Variants in EPS15 observed in about 807,000 individuals in gnomAD.
EPS15 encodes epidermal growth factor receptor pathway substrate 15.
EPS15 carries 72 observed loss-of-function variants against 113.8 expected under a neutral mutation model. That is an observed-to-expected ratio of 0.63 (90% confidence interval 0.52 to 0.77). The LOEUF (loss-of-function observed/expected upper bound fraction) is 0.77, where lower values mean the gene tolerates loss of function less well. EPS15 is among the 30% of genes least tolerant of loss of function. The pLI is 0.00. For synonymous variants in EPS15, 344 were observed against 363.4 expected, an observed-to-expected ratio of 0.95 and a Z score of 0.61; for missense variants, 1,048 against 1,045.8, an observed-to-expected ratio of 1.00 and a Z score of -0.03.
intron 2 of EPS15, among the ~76,000 whole-genome samples, chr1:51,475,873 G>A (rs192611253): frequency 2.6e-5 from 4 of 152,210 alleles, no homozygotes; most frequent in South Asian, 2.1e-4. Context: ...TGTAAGGAAC[G>A]GATCCAGTTT....
At chr1:51,462,625 T>C (rs1654548323) in intron 7 of EPS15, among the ~76,000 whole-genome samples, 2 of 151,262 alleles carry the variant, frequency 1.3e-5, no homozygotes, top group Non-Finnish European at 3.0e-5. Context: ...GATAGAAAAA[T>C]AACATGGCAA....
intron 4 of EPS15, among the ~76,000 whole-genome samples, chr1:51,470,081 C>T (rs542498301): frequency 2.0e-5 from 3 of 152,248 alleles, no homozygotes; most frequent in Admixed American, 2.0e-4. Flanking sequence ...ATTTGAGATT[C>T]AATTACTCTT....
intron 13 of EPS15, among the ~76,000 whole-genome samples, chr1:51,421,346 A>G (rs1650733217): frequency 6.6e-6 from 1 of 152,134 alleles, no homozygotes; most frequent in African/African-American, 2.4e-5. Flanking sequence ...TATGAGAAAC[A>G]GTCCTTTAAC....
intron 21 of EPS15, among the ~76,000 whole-genome samples, chr1:51,391,941 T>C (rs557529993): frequency 2.8e-4 from 42 of 152,192 alleles, no homozygotes; most frequent in African/African-American, 9.6e-4. Flanking sequence ...GCCAAATAAA[T>C]AGCTGGAAAA....
At position 51,481,296 on chromosome 1, in the gene EPS15, C is replaced by G; in HGVS notation, c.52G>C (p.Val18Leu). Residue 18 changes from valine to leucine, a missense_variant, in exon 2 of 25, where the codon GTA becomes CTA. Physicochemically the swap from Val to Leu is conservative, Grantham distance 32. Coordinates refer to ENST00000371733, the MANE Select transcript of EPS15 (RefSeq NM_001981.3). ...ACCTGTCTATAGTATTTTTCATATACAGGATTCCCACTTGATAACTGAAAT... is the reference window on the plus strand; with the variant it reads ...ACCTGTCTATAGTATTTTTCATATAGAGGATTCCCACTTGATAACTGAAAT... The part of the protein sequence containing the change: ...SLTQLSSGNP[V>L]YEKYYRQVDT... The G allele has an allele frequency of 7.3e-7, 1 of 1,362,642 alleles. No individual in the cohort carries two copies. The highest frequency in any genetic ancestry group is 1.0e-6 in the Non-Finnish European group (1 of 955,292). 84.4% of individuals were successfully genotyped at this position (1,362,642 alleles called of 1,614,324 possible).
At chr1:51,412,166 A>G (rs1649783448) in intron 13 of EPS15, among the ~76,000 whole-genome samples, 1 of 152,190 alleles carries the variant, frequency 6.6e-6, no homozygotes, top group Non-Finnish European at 1.5e-5. Flanking sequence ...ATGAGAACGC[A>G]TGGACACAAG....
intron 13 of EPS15, among the ~76,000 whole-genome samples, chr1:51,417,488 C>T (rs1650352490): frequency 6.6e-6 from 1 of 152,126 alleles, no homozygotes; most frequent in African/African-American, 2.4e-5. Context: ...AAAATATGAT[C>T]CAAGGCACAA....
intron 1 of EPS15, among the ~76,000 whole-genome samples, chr1:51,500,375 C>A (rs2148549670): frequency 6.6e-6 from 1 of 152,276 alleles, no homozygotes; most frequent in Non-Finnish European, 1.5e-5. Context: ...TGAGGAACTG[C>A]CATACTGTTT....
chr1:51,463,472 C>A, intron 7 of EPS15: 1 of 421,662 alleles, frequency 2.4e-6, no homozygotes, highest in South Asian at 4.7e-5. Context: ...TTCAACCACT[C>A]ATTTTTACAG....
At chr1:51,478,406 T>C (rs1291318252) in intron 2 of EPS15, among the ~76,000 whole-genome samples, 2 of 152,218 alleles carry the variant, frequency 1.3e-5, no homozygotes, top group Non-Finnish European at 2.9e-5. Context: ...TGCCTCTTTA[T>C]CCAGTTTGCC....
intron 12 of EPS15, among the ~76,000 whole-genome samples, chr1:51,425,338 T>C (rs1429490767): frequency 6.6e-6 from 1 of 152,186 alleles, no homozygotes; most frequent in Admixed American, 6.5e-5. Context: ...CCACTTCCAT[T>C]TTCCTAGACT....
chr1:51,448,180 A>G (rs751475970), intron 8 of EPS15, 45 bp from the exon 9 acceptor site: 2 of 1,096,548 alleles, frequency 1.8e-6, no homozygotes, highest in Non-Finnish European at 2.7e-6. Flanking sequence ...AAAGCACTTA[A>G]CATCCACCCA....
In EPS15 at chr1:51,471,725, C is replaced by G; in HGVS notation, c.178G>C (p.Ala60Pro). Residue 60 changes from alanine to proline, a missense_variant, in exon 4 of 25, where the codon GCC (alanine) becomes CCC (proline). By Grantham distance (27) the Ala-to-Pro change is conservative. Transcript: ENST00000371733. ...AGGATACCTTTGCCATCTGTGTCGG[C>G]TAAATCCCAAATCTGAAATTTAGGG... ...DLILGKIWDLADTDGKGILNK... is the reference protein window; with the variant it reads ...DLILGKIWDLPDTDGKGILNK... 6.2e-7 allele frequency: 1 copy of G among 1,609,390 alleles called. No homozygotes were observed. Among genetic ancestry groups the G allele is most frequent in the Non-Finnish European group, 8.5e-7 (1 of 1,176,578 alleles).
At chr1:51,431,596 C>T (rs1230289303) in intron 12 of EPS15, among the ~76,000 whole-genome samples, 1 of 151,912 alleles carries the variant, frequency 6.6e-6, no homozygotes, top group Non-Finnish European at 1.5e-5. Context: ...CAGGTGTGCA[C>T]CACCACGCCC....
In EPS15 at chr1:51,456,856, A is replaced by C. The variant is rs188787270; in HGVS notation, c.561+4235T>G. Among the ~76,000 whole-genome samples, 387 of 152,348 alleles carry C rather than the reference A, an allele frequency of 2.5e-3. 2 individuals carry two copies. Among genetic ancestry groups the C allele is most frequent in the African/African-American group, 8.8e-3 (364 of 41,574 alleles). ...GGATAAAGAAAGATTTATCAGACAAATTCTAACCAAAAGAATACTAGTTAT... is the reference window on the plus strand; with the variant it reads ...GGATAAAGAAAGATTTATCAGACAACTTCTAACCAAAAGAATACTAGTTAT... On this transcript the variant is annotated intron_variant, in intron 8 of 24. Coordinates refer to ENST00000371733, the MANE Select transcript of EPS15 (RefSeq NM_001981.3).
At chr1:51,371,098 T>C (rs1646638503) in intron 21 of EPS15, among the ~76,000 whole-genome samples, 1 of 151,830 alleles carries the variant, frequency 6.6e-6, no homozygotes, top group Non-Finnish European at 1.5e-5. Flanking sequence ...TTGTATTTTT[T>C]AGTAGAGATT....
chr1:51,471,586 T>G, intron 4 of EPS15, 104 bp downstream of exon 4: 7 of 885,472 alleles, frequency 7.9e-6, no homozygotes, highest in Non-Finnish European at 1.3e-5. Context: ...AACTCTAATG[T>G]TGGTAAAAAC....
intron 2 of EPS15, among the ~76,000 whole-genome samples, chr1:51,475,676 T>C (rs778681941): frequency 6.6e-5 from 10 of 152,204 alleles, no homozygotes; most frequent in East Asian, 1.9e-4. Flanking sequence ...GGAAGCTCTC[T>C]AGTTTAATTA....
chr1:51,426,467 TG>T lies in EPS15; in HGVS notation c.1041-4610del, dbSNP rs370472056. 1.0e-3 allele frequency among the ~76,000 whole-genome samples: 150 copies of T among 149,946 alleles called. 1 individual carries two copies. The highest frequency in any genetic ancestry group is 3.6e-3 in the African/African-American group (148 of 40,650). On this transcript the variant is annotated intron_variant, in intron 12 of 24. Transcript: ENST00000371733. ...GCAAGCCCTGGCTCCTGTCACCTCC[TG>T]TCATACTTAATTTTATGGGCTGATT... is the stretch of plus-strand genomic sequence containing the variant.
Sources: gnomAD v4.1 joint callset for allele counts (sites outside exome capture counted in the v4.1 genomes callset) on GRCh38, gnomAD v4.1.1 for gene constraint, MANE v1.5 for transcripts, NCBI Gene and HGNC (gene_info 2026-07-23, HGNC 2026-07-21) for gene names.